IQCH: variants seen among roughly 807,000 people sequenced by gnomAD.
IQCH encodes the protein IQ domain-containing protein H.
Under a neutral mutation model 117.0 loss-of-function variants are expected in IQCH, and 98 were observed. That is an observed-to-expected ratio of 0.84 (90% CI 0.71 to 0.99). IQCH has a LOEUF of 0.99. Among genes scored for constraint, IQCH ranks in the 50% least tolerant of loss-of-function variants. The probability of loss-of-function intolerance (pLI) is 0.00; values close to 1 mark genes in which losing one functional copy is unlikely to be tolerated. For synonymous variants in IQCH, 412 were observed against 448.2 expected, an observed-to-expected ratio of 0.92 and a Z score of 1.02; for missense variants, 1,102 against 1,243.8, an observed-to-expected ratio of 0.89 and a Z score of 1.72.
intron 20 of IQCH, among the ~76,000 whole-genome samples, chr15:67,495,074 G>A (rs1371015362): frequency 6.6e-6 from 1 of 152,176 alleles, no homozygotes; most frequent in African/African-American, 2.4e-5. Flanking sequence ...CTGATTCCCA[G>A]CCTAGGCCTT....
intron 3 of IQCH, among the ~76,000 whole-genome samples, chr15:67,269,005 A>C (rs1965790202): frequency 6.6e-6 from 1 of 150,836 alleles, no homozygotes; most frequent in Non-Finnish European, 1.5e-5. Flanking sequence ...AGATTCTTAA[A>C]TACAAAGTAC....
chr15:67,341,674 CTT>C (rs1491477590), intron 5 of IQCH, among the ~76,000 whole-genome samples: 1 of 151,778 alleles, frequency 6.6e-6, no homozygotes, highest in East Asian at 1.9e-4. Context: ...AGTTATGACT[CTT>C]ATATAAATAT....
Position 67,454,399 on chromosome 15 carries a change from C to T in IQCH, c.2506-10728C>T, listed in dbSNP as rs559748601. On this transcript the variant is annotated intron_variant, in intron 16 of 20. Coordinates refer to ENST00000335894, the MANE Select transcript of IQCH (RefSeq NM_001031715.3). The surrounding 1 kb of genome is among the most constrained non-coding windows in gnomAD (Gnocchi z 5.2). ...GTCTTGATCTCTTGACCTTGTGATC[C>T]GCCCGCCTCGGCCTCCCAAAGTATT... is the stretch of plus-strand genomic sequence containing the variant. 7.9e-5 allele frequency among the ~76,000 whole-genome samples: 12 copies of T among 152,276 alleles called. No homozygotes were observed. The highest frequency in any genetic ancestry group is 2.1e-4 in the South Asian group (1 of 4,818).
chr15:67,263,449 A>G (rs1268389110), intron 3 of IQCH, among the ~76,000 whole-genome samples: 1 of 152,228 alleles, frequency 6.6e-6, no homozygotes, highest in East Asian at 1.9e-4. Context: ...CAGTAGATAC[A>G]TGGAACAGAA....
chr15:67,337,461 A>G lies in IQCH; in HGVS notation c.508+366A>G, dbSNP rs113219584. Among the ~76,000 whole-genome samples, 11 of 152,272 alleles carry G rather than the reference A, an allele frequency of 7.2e-5. 2 individuals carry two copies. The highest frequency in any genetic ancestry group is 2.6e-4 in the African/African-American group (11 of 41,550). ...TAGCATTTTAAAAATTTATTTCAAT[A>G]CCCTATTATAAGGAAATATGAAGCC... On this transcript the variant is annotated intron_variant, in intron 5 of 20. Transcript: ENST00000335894.
At position 67,501,009 on chromosome 15, in the gene IQCH, T is replaced by C. The variant is rs180897042; in HGVS notation, c.*263T>C. The C allele has an allele frequency of 7.4e-5, 17 of 229,192 alleles. No individual in the cohort carries two copies. In the East Asian group the frequency reaches 1.5e-3, roughly 20 times the overall value. 14.2% of individuals were successfully genotyped at this position (229,192 alleles called of 1,614,324 possible). On this transcript the variant is annotated 3_prime_UTR_variant, in exon 21 of 21. Coordinates refer to ENST00000335894, the MANE Select transcript of IQCH (RefSeq NM_001031715.3). This position sits in a 1 kb window ranked among gnomAD's most constrained non-coding sequence, Gnocchi z 5.2. ...TCTTCTCAAACTCAGAAAAAAGTAATCTGATAAAAGAAGAAAGTTAAAAGT... is the reference window on the plus strand; with the variant it reads ...TCTTCTCAAACTCAGAAAAAAGTAACCTGATAAAAGAAGAAAGTTAAAAGT...
intron 13 of IQCH, among the ~76,000 whole-genome samples, chr15:67,398,831 GA>G (rs1971550387): frequency 6.6e-6 from 1 of 152,214 alleles, no homozygotes; most frequent in Non-Finnish European, 1.5e-5. Context: ...AACAGCATGG[GA>G]AGGCTCTGGA....
Position 67,288,790 on chromosome 15 carries a change from G to T in IQCH, c.387+9278G>T, listed in dbSNP as rs185193321. Among the ~76,000 whole-genome samples, 54 of 152,200 alleles carry T rather than the reference G, an allele frequency of 3.5e-4. No homozygotes were observed. In the East Asian group the frequency reaches 8.1e-3, roughly 23 times the overall value. On this transcript the variant is annotated intron_variant, in intron 4 of 20. Transcript: ENST00000335894. ...TTAGGTACTCTTCTAAGCACTGGAG[G>T]ACTTGTCTTTGAGAATATGTTGAGG...
intron 4 of IQCH, among the ~76,000 whole-genome samples, chr15:67,335,483 G>A (rs911963851): frequency 6.6e-6 from 1 of 152,108 alleles, no homozygotes; most frequent in Non-Finnish European, 1.5e-5. Context: ...CAGACAAGTG[G>A]AGACCCTGCC....
At chr15:67,487,068 C>A (rs1178297568) in intron 18 of IQCH, among the ~76,000 whole-genome samples, 1 of 152,226 alleles carries the variant, frequency 6.6e-6, no homozygotes, top group Non-Finnish European at 1.5e-5. Flanking sequence ...CACAGTGGCT[C>A]ACGCCTGTAA....
intron 3 of IQCH, among the ~76,000 whole-genome samples, chr15:67,268,876 A>G (rs1266463404): frequency 6.6e-6 from 1 of 152,148 alleles, no homozygotes; most frequent in Non-Finnish European, 1.5e-5. Flanking sequence ...TGTTCTTTCC[A>G]TTTTTCTTTG....
intron 15 of IQCH, among the ~76,000 whole-genome samples, chr15:67,419,768 T>C (rs1025447415): frequency 5.3e-5 from 8 of 152,146 alleles, no homozygotes; most frequent in Non-Finnish European, 1.2e-4. Flanking sequence ...GGGTCTAACT[T>C]TGTGGCAATA....
At chr15:67,358,584 T>C (rs1035354861) in intron 7 of IQCH, among the ~76,000 whole-genome samples, 8 of 152,280 alleles carry the variant, frequency 5.3e-5, no homozygotes, top group African/African-American at 1.9e-4. Context: ...GCTGGACTTT[T>C]GTACCTTGCT....
Position 67,279,404 on chromosome 15 carries a change from A to G in IQCH, c.279A>G (p.Pro93=), listed in dbSNP as rs1308024679. 5 of 1,579,874 alleles carry G rather than the reference A, an allele frequency of 3.2e-6. No homozygotes were observed. In the East Asian group the frequency reaches 6.8e-5, roughly 21 times the overall value. The change falls in exon 4 of 21, where the codon CCA becomes CCG. Residue 93 remains proline (P), a synonymous_variant. Coordinates refer to ENST00000335894, the MANE Select transcript of IQCH (RefSeq NM_001031715.3). ...ATTTCTTCTTACTTAGGTTACTTCC[A>G]ACTGTAATTGATCAGAAATCATTTA... ...YTPQASKWLL[P]TVIDQKSFIF...
chr15:67,349,480 G>T (rs529259638), intron 6 of IQCH, among the ~76,000 whole-genome samples: 1 of 151,812 alleles, frequency 6.6e-6, no homozygotes, highest in Admixed American at 6.6e-5. Context: ...TTAGCCAGGC[G>T]TGGTGGTGGG....
chr15:67,420,627 T>C (rs1320066195), intron 15 of IQCH, among the ~76,000 whole-genome samples: 1 of 152,238 alleles, frequency 6.6e-6, no homozygotes, highest in Non-Finnish European at 1.5e-5. Context: ...ATTGCTGTGC[T>C]TGAACACCAG....
At chr15:67,396,309 G>A (rs1365501426) in intron 13 of IQCH, among the ~76,000 whole-genome samples, 7 of 152,166 alleles carry the variant, frequency 4.6e-5, no homozygotes, top group Non-Finnish European at 8.8e-5. Context: ...TCTTCAGGAA[G>A]CGATCGAAAT....
rs549504421 is a variant in IQCH at position 67,467,771 on chromosome 15, C to A, written c.2676+2474C>A. Among the ~76,000 whole-genome samples, 4 of 152,304 alleles carry A rather than the reference C, an allele frequency of 2.6e-5. No homozygotes were observed. Among genetic ancestry groups the A allele is most frequent in the South Asian group, 4.1e-4 (2 of 4,834 alleles). ...AAGTTTATGATCAGGCAGTTGACAG[C>A]CCCCTTTGAAGACTGAAGGAGAAGA... On this transcript the variant is annotated intron_variant, in intron 17 of 20. Transcript: ENST00000335894. The surrounding 1 kb of genome is among the most constrained non-coding windows in gnomAD (Gnocchi z 5.7).
chr15:67,349,993 G>A (rs1001045723), intron 6 of IQCH, among the ~76,000 whole-genome samples: 2 of 152,150 alleles, frequency 1.3e-5, no homozygotes, highest in African/African-American at 4.8e-5. Flanking sequence ...TGCATTTACT[G>A]TATGACCCAA....
Sources: allele counts gnomAD v4.1 joint callset (sites outside exome capture counted in the v4.1 genomes callset), GRCh38; gene constraint gnomAD v4.1.1; non-coding constraint Gnocchi (gnomAD v3.1); transcripts MANE v1.5; gene names NCBI Gene and HGNC (gene_info 2026-07-23, HGNC 2026-07-21).